ABCG8: variants seen among roughly 807,000 people sequenced by gnomAD.
ABCG8 encodes ATP binding cassette subfamily G member 8.
A neutral mutation model predicts 71.3 loss-of-function variants in ABCG8; 81 were observed. The ratio of observed to expected loss-of-function variants is 1.14; its 90% CI spans 0.95 to 1.37. The LOEUF is 1.37. ABCG8 is among the 40% of genes most tolerant of loss of function. The probability of loss-of-function intolerance (pLI) is 0.00; values close to 1 mark genes in which losing one functional copy is unlikely to be tolerated. For synonymous variants in ABCG8, 451 were observed against 354.7 expected (o/e 1.27, Z -3.05); for missense variants, 1,119 against 866.2 (o/e 1.29, Z -3.66).
Position 43,839,033 on chromosome 2 carries a change from G to C in ABCG8, c.-21G>C, listed in dbSNP as rs1054093595. 1 of 1,550,512 alleles carries C rather than the reference G, an allele frequency of 6.4e-7. No individual in the cohort carries two copies. Among genetic ancestry groups the C allele is most frequent in the Non-Finnish European group, 8.7e-7 (1 of 1,146,576 alleles). Reference sequence around the variant, plus strand: ...TGGGTCTAAGAGAGCTGCAGCCCAGGGTCACAGACCTGTGGGCCCCATGGC... The same window carrying C: ...TGGGTCTAAGAGAGCTGCAGCCCAGCGTCACAGACCTGTGGGCCCCATGGC... On this transcript the variant is annotated 5_prime_UTR_variant, in exon 1 of 13. Coordinates refer to ENST00000272286, the MANE Select transcript of ABCG8 (RefSeq NM_022437.3).
Position 43,844,496 on chromosome 2 carries a change from G to C in ABCG8, c.64-11G>C. 6.2e-7 allele frequency: 1 copy of C among 1,611,314 alleles called. No individual in the cohort carries two copies. Among genetic ancestry groups the C allele is most frequent in the Non-Finnish European group, 8.5e-7 (1 of 1,177,504 alleles). On this transcript the variant is annotated splice_polypyrimidine_tract_variant and intron_variant, in intron 1 of 12. Coordinates refer to ENST00000272286, the MANE Select transcript of ABCG8 (RefSeq NM_022437.3). Reference sequence around the variant, plus strand: ...TCTAAAGGAGCCCCTCATCTCTCCTGTCTCCCACAGGGCCTCCAGGATAGA... The same window carrying C: ...TCTAAAGGAGCCCCTCATCTCTCCTCTCTCCCACAGGGCCTCCAGGATAGA...
At chr2:43,852,517 G>T (rs1353719428) in intron 5 of ABCG8, 31 bp downstream of exon 5, 5 of 1,613,842 alleles carry the variant, frequency 3.1e-6, no homozygotes, top group Non-Finnish European at 4.2e-6. Flanking sequence ...TGGGGGCAGA[G>T]GGACCTGTGC....
chr2:43,877,130 A>C (rs529175526), intron 11 of ABCG8, among the ~76,000 whole-genome samples: 1 of 150,690 alleles, frequency 6.6e-6, no homozygotes, highest in African/African-American at 2.4e-5. Flanking sequence ...ATATGGGGAG[A>C]CCGTGGGAAT....
At position 43,852,452 on chromosome 2, in the gene ABCG8, A is replaced by AGT. The variant is rs767259462; in HGVS notation, c.661_662dup (p.Ile223AlafsTer31). 6.2e-7 allele frequency: 1 copy of AGT among 1,613,078 alleles called. No homozygotes were observed. The highest frequency in any genetic ancestry group is 8.5e-7 in the Non-Finnish European group (1 of 1,179,940). ...GGTTGTCGGGGGGTGAGCGCAGGAGAGTCAGCATTGGGGTGCAGCTCCTGT... is the reference window on the plus strand; with the variant it reads ...GGTTGTCGGGGGGTGAGCGCAGGAGAGTGTCAGCATTGGGGTGCAGCTCCTGT... On this transcript the variant is annotated frameshift_variant, in exon 5 of 13. Coordinates refer to ENST00000272286, the MANE Select transcript of ABCG8 (RefSeq NM_022437.3). LOFTEE classifies it high-confidence loss of function.
chr2:43,855,252 A>G (rs961830785), intron 6 of ABCG8, among the ~76,000 whole-genome samples: 2 of 152,038 alleles, frequency 1.3e-5, no homozygotes, highest in Non-Finnish European at 2.9e-5. Context: ...AACTCTCACT[A>G]TCTGCATAGA....
rs113648443 is a variant in ABCG8, at chr2:43,844,394, A to G, written c.64-113A>G. 3.3e-3 allele frequency: 2,735 copies of G among 831,542 alleles called. 76 individuals are homozygous for G. In the African/African-American group the frequency reaches 0.04, roughly 12 times the overall value. The allele number at this position is 831,542 out of a possible 1,614,324, so 51.5% of individuals were successfully genotyped here. Reference sequence around the variant, plus strand: ...CAATCCCATCTGTTGCCAATTTGAGATTTAACCACGTCGGCTCTAAGAAGT... The same window carrying G: ...CAATCCCATCTGTTGCCAATTTGAGGTTTAACCACGTCGGCTCTAAGAAGT... On this transcript the variant is annotated intron_variant, in intron 1 of 12. Transcript: ENST00000272286.
At chr2:43,849,879 A>G (rs918458843) in intron 3 of ABCG8, among the ~76,000 whole-genome samples, 2 of 152,152 alleles carry the variant, frequency 1.3e-5, no homozygotes, top group African/African-American at 4.8e-5. Context: ...GATCATGTGA[A>G]GAAGCTTCTT....
Position 43,844,313 on chromosome 2 carries a change from G to T in ABCG8, c.64-194G>T, listed in dbSNP as rs145866100. Among the ~76,000 whole-genome samples, 521 of 152,280 alleles carry T rather than the reference G, an allele frequency of 3.4e-3. 4 individuals carry two copies. The highest frequency in any genetic ancestry group is 0.012 in the African/African-American group (497 of 41,560). On this transcript the variant is annotated intron_variant, in intron 1 of 12. Transcript: ENST00000272286. ...CCAAACCTCTCTCTGAAGGGAAGAG[G>T]AGATGGGCCCTTGTCAGCACTCCTA...
intron 6 of ABCG8, 21 bp downstream of exon 6, chr2:43,852,889 GC>G: frequency 6.2e-7 from 1 of 1,612,762 alleles, no homozygotes; most frequent in Non-Finnish European, 8.5e-7. Flanking sequence ...AAGGCCAGCA[GC>G]CAGGGCCCTG....
At chr2:43,850,683 C>A (rs1668884781) in intron 3 of ABCG8, among the ~76,000 whole-genome samples, 1 of 152,246 alleles carries the variant, frequency 6.6e-6, no homozygotes, top group Non-Finnish European at 1.5e-5. Context: ...GAGGCCCAGG[C>A]GGGTAGATCA....
Position 43,880,198 on chromosome 2 carries a change from G to C in ABCG8, c.*2285G>C, listed in dbSNP as rs1196408887. On this transcript the variant is annotated 3_prime_UTR_variant, in exon 13 of 13. Transcript: ENST00000272286. ...GTTTTGTTTTTTTTTTTTTGAGACA[G>C]AATCTCATTCTGTGGCCCAGGCTGG... 1 of 125,040 alleles carries C rather than the reference G, an allele frequency of 8.0e-6. No individual in the cohort carries two copies. The highest frequency in any genetic ancestry group is 3.1e-5 in the African/African-American group (1 of 32,678). 7.7% of individuals were successfully genotyped at this position (125,040 alleles called of 1,614,324 possible). A position where few individuals can be genotyped will look rare whatever the true frequency, so the allele number is the denominator to read the frequency against.
At chr2:43,865,440 G>C (rs1301117827) in intron 6 of ABCG8, among the ~76,000 whole-genome samples, 1 of 150,840 alleles carries the variant, frequency 6.6e-6, no homozygotes, top group South Asian at 2.1e-4. Flanking sequence ...TCTGGATAGA[G>C]CTCTCAGTAT....
At chr2:43,839,707 C>T (rs1279892898) in intron 1 of ABCG8, among the ~76,000 whole-genome samples, 1 of 152,128 alleles carries the variant, frequency 6.6e-6, no homozygotes, top group African/African-American at 2.4e-5. Context: ...CAGGCATGAG[C>T]CACCGTGCCT....
rs1035346592 is a variant in ABCG8, at chr2:43,882,578, A to G, written c.*4665A>G. ...CTTATTTGTGAATAGTCTGCACTAG[A>G]TAATTCAGATTTCAAGTCATCTGTC... On this transcript the variant is annotated 3_prime_UTR_variant, in exon 13 of 13. Transcript: ENST00000272286. The G allele has an allele frequency of 6.6e-6, 1 of 152,256 alleles. No individual in the cohort carries two copies. Among genetic ancestry groups the G allele is most frequent in the African/African-American group, 2.4e-5 (1 of 41,470 alleles). 9.4% of individuals were successfully genotyped at this position (152,256 alleles called of 1,614,324 possible). A position where few individuals can be genotyped will look rare whatever the true frequency, so the allele number is the denominator to read the frequency against.
At chr2:43,851,332 C>G (rs1283081143) in intron 3 of ABCG8, among the ~76,000 whole-genome samples, 1 of 152,220 alleles carries the variant, frequency 6.6e-6, no homozygotes, top group Non-Finnish European at 1.5e-5. Flanking sequence ...GCTGGCCTGG[C>G]CTGAACCCCC....
rs763859383 is a variant in ABCG8, at chr2:43,877,799, C to G, written c.1908C>G (p.Asp636Glu). Residue 636 changes from aspartate to glutamate, a missense_variant, in exon 13 of 13, where the codon GAC (aspartate) becomes GAG (glutamate). Coordinates refer to ENST00000272286, the MANE Select transcript of ABCG8 (RefSeq NM_022437.3). The part of the protein sequence containing the change: ...GDKILSVMEL[D>E]SYPLYAIYLI... ...AGATCCTCAGTGTCATGGAGCTGGA[C>G]TCGTACCCTCTCTACGCCATCTACC... 2 of 1,614,180 alleles carry G rather than the reference C, an allele frequency of 1.2e-6. No homozygotes were observed. The highest frequency in any genetic ancestry group is 2.2e-5 in the South Asian group (2 of 91,088).
At position 43,852,141 on chromosome 2, in the gene ABCG8, A is replaced by C. The variant is rs534103287; in HGVS notation, c.562-213A>C. On this transcript the variant is annotated intron_variant, in intron 4 of 12. Transcript: ENST00000272286. Reference sequence around the variant, plus strand: ...CCCAATACACTGCCACGTTCCTAACACAGGGCACCATGCCCAGCACGTCGA... The same window carrying C: ...CCCAATACACTGCCACGTTCCTAACCCAGGGCACCATGCCCAGCACGTCGA... 3.9e-5 allele frequency among the ~76,000 whole-genome samples: 6 copies of C among 152,376 alleles called. No individual in the cohort carries two copies. In the East Asian group the frequency reaches 1.2e-3, roughly 29 times the overall value.
At chr2:43,851,947 T>C (rs1668932523) in intron 4 of ABCG8, 125 bp downstream of exon 4, 1 of 1,123,804 alleles carries the variant, frequency 8.9e-7, no homozygotes, top group Non-Finnish European at 1.3e-6. Context: ...TCAGCTTGCC[T>C]TCCGCCAGCC....
intron 6 of ABCG8, among the ~76,000 whole-genome samples, chr2:43,863,989 T>C (rs780249913): frequency 6.6e-6 from 1 of 151,018 alleles, no homozygotes; most frequent in African/African-American, 2.4e-5. Flanking sequence ...AATCTGGATA[T>C]AATTCTCACT....
Sources: allele counts gnomAD v4.1 joint callset (sites outside exome capture counted in the v4.1 genomes callset), GRCh38; gene constraint gnomAD v4.1.1; transcripts MANE v1.5; gene names NCBI Gene and HGNC (gene_info 2026-07-23, HGNC 2026-07-21).